EPG5: variants seen among roughly 807,000 people sequenced by gnomAD.
EPG5 encodes ectopic P granules protein 5 homolog.
In EPG5, 159 loss-of-function variants were observed where a neutral mutation model predicts 302.7. The ratio of observed to expected loss-of-function variants is 0.53; its 90% confidence interval spans 0.46 to 0.60. The LOEUF (loss-of-function observed/expected upper bound fraction) is 0.60, where lower values mean the gene tolerates loss of function less well. EPG5 is among the 20% of genes least tolerant of loss of function. The pLI, the probability that EPG5 is intolerant of heterozygous loss-of-function variation, is 0.00. For missense variants in EPG5, 2,896 were observed against 3,092.4 expected, an observed-to-expected ratio of 0.94 and a Z score of 1.51; for synonymous variants, 1,158 against 1,136.8, an observed-to-expected ratio of 1.02 and a Z score of -0.37.
rs777537488 is a variant in EPG5 at position 45,913,841 on chromosome 18, C to A, written c.3694-13G>T. 1 of 1,612,336 alleles carries A rather than the reference C, an allele frequency of 6.2e-7. No individual in the cohort carries two copies. Among genetic ancestry groups the A allele is most frequent in the South Asian group, 1.1e-5 (1 of 90,650 alleles). On this transcript the variant is annotated splice_polypyrimidine_tract_variant and intron_variant, in intron 20 of 43. Transcript: ENST00000282041. ...AGGCAAACCAGACCTATAATGACAC[C>A]AGATAAAGGGGAGGGGAAGGAGGAG...
rs2050066684 is a variant in EPG5, at chr18:45,917,792, G to A, written c.3126C>T (p.Ile1042=). 1 of 1,613,998 alleles carries A rather than the reference G, an allele frequency of 6.2e-7. No homozygotes were observed. The highest frequency in any genetic ancestry group is 1.1e-5 in the South Asian group (1 of 91,080). ...HSIEKFCAEG[I]PLLGILVQSR... ...ACTGGACCAGAATTCCCAATAGTGGGATGCCTTCTGCACAGAACTTCTCAA... is the reference window on the plus strand; with the variant it reads ...ACTGGACCAGAATTCCCAATAGTGGAATGCCTTCTGCACAGAACTTCTCAA... Residue 1042 remains isoleucine, a synonymous_variant, in exon 17 of 44, where the codon ATC becomes ATT. Transcript: ENST00000282041.
intron 35 of EPG5, 150 bp from the exon 36 acceptor site, chr18:45,870,892 G>A (rs995859575): frequency 3.4e-6 from 2 of 591,234 alleles, no homozygotes; most frequent in Non-Finnish European, 5.7e-6. Flanking sequence ...TGGTTAAGGG[G>A]ACTACTGGCA....
Position 45,876,352 on chromosome 18 carries a change from A to C in EPG5, c.5943-10T>G, listed in dbSNP as rs751169506. ...ATGCCGCTGTTGGCTGCTTTAAAGAAAAGAAGCACACACTTAGGAATGCAA... is the reference window on the plus strand; with the variant it reads ...ATGCCGCTGTTGGCTGCTTTAAAGACAAGAAGCACACACTTAGGAATGCAA... On this transcript the variant is annotated splice_polypyrimidine_tract_variant and intron_variant, in intron 34 of 43. Transcript: ENST00000282041. The C allele has an allele frequency of 2.5e-6, 4 of 1,603,818 alleles. 1 individual carries two copies. The South Asian group carries it at 4.4e-5, about 18-fold the overall frequency.
chr18:45,863,786 G>A (rs1390748163), intron 39 of EPG5, among the ~76,000 whole-genome samples: 1 of 152,176 alleles, frequency 6.6e-6, no homozygotes, highest in East Asian at 1.9e-4. Flanking sequence ...CTCCTTGGTA[G>A]GTAATCTGCC....
Position 45,858,784 on chromosome 18 carries a change from T to C in EPG5, c.7010-2A>G, listed in dbSNP as rs749401363. 1.2e-6 allele frequency: 2 copies of C among 1,607,110 alleles called. No individual in the cohort carries two copies. Among genetic ancestry groups the C allele is most frequent in the African/African-American group, 1.3e-5 (1 of 74,858 alleles). On this transcript the variant is annotated splice_acceptor_variant, in intron 40 of 43. Coordinates refer to ENST00000282041, the MANE Select transcript of EPG5 (RefSeq NM_020964.3). LOFTEE classifies it high-confidence loss of function. ...ATCCTGAATTCTGATTGAGAGGGCC[T>C]AAGAACATGAAGAAGAGACATCAAG... is the stretch of plus-strand genomic sequence containing the variant.
rs1367006382 is a variant in EPG5 at position 45,910,717 on chromosome 18, T to C, written c.4009A>G (p.Arg1337Gly). The change falls in exon 23 of 44, where the codon AGA becomes GGA. Residue 1337 changes from arginine to glycine, a missense_variant. Physicochemically the swap from Arg to Gly is moderately radical, Grantham distance 125 (BLOSUM62 -2). This residue lies in a region of EPG5 where 790 missense variants were observed against 798.0 expected (regional missense o/e 0.99). Transcript: ENST00000282041. Reference sequence around the variant, plus strand: ...TGAGCAGGACTTTGAAAAAACCTTCTTCCAATACAACCATCTATGGGTAAC... The same window carrying C: ...TGAGCAGGACTTTGAAAAAACCTTCCTCCAATACAACCATCTATGGGTAAC... ...YGLPIDGCIG[R>G]RFFQSPAHIN... 2.5e-6 allele frequency: 4 copies of C among 1,614,120 alleles called. No homozygotes were observed. The highest frequency in any genetic ancestry group is 2.2e-5 in the South Asian group (2 of 91,066).
chr18:45,861,965 T>C (rs1213970356), intron 39 of EPG5, among the ~76,000 whole-genome samples: 1 of 152,220 alleles, frequency 6.6e-6, no homozygotes, highest in African/African-American at 2.4e-5. Context: ...TCTTTTTCTC[T>C]CTTTTGCTTC....
At chr18:45,880,352 A>C in intron 31 of EPG5, 129 bp from the exon 32 acceptor site, 1 of 896,770 alleles carries the variant, frequency 1.1e-6, no homozygotes, top group African/African-American at 1.7e-5. Context: ...ACTCACAGGG[A>C]TATCTGGGGT....
Position 45,860,205 on chromosome 18 carries a change from A to C in EPG5, c.6908T>G (p.Leu2303Arg). 1 of 1,614,244 alleles carries C rather than the reference A, an allele frequency of 6.2e-7. No individual in the cohort carries two copies. Among genetic ancestry groups the C allele is most frequent in the Non-Finnish European group, 8.5e-7 (1 of 1,180,040 alleles). The part of the protein sequence containing the change: ...RTWIGQKMHG[L>R]VVLPLLTAAC... ...TGCTGTTAAAAGGGGCAGCACCACCAGCCCATGCATTTTTTGGCCAATCCA... is the reference window on the plus strand; with the variant it reads ...TGCTGTTAAAAGGGGCAGCACCACCCGCCCATGCATTTTTTGGCCAATCCA... The change falls in exon 40 of 44, where the codon CTG becomes CGG. Residue 2303 changes from leucine (L) to arginine (R), a missense_variant. Coordinates refer to ENST00000282041, the MANE Select transcript of EPG5 (RefSeq NM_020964.3).
chr18:45,898,485 C>CA (rs2049530062), intron 27 of EPG5, among the ~76,000 whole-genome samples: 1 of 152,216 alleles, frequency 6.6e-6, no homozygotes, highest in Non-Finnish European at 1.5e-5. Context: ...AAGTGCATAC[C>CA]ATATTGCAGA....
At chr18:45,840,007 T>C in the EPG5 span, among the ~76,000 whole-genome samples, 1 of 152,172 alleles carries the variant, frequency 6.6e-6, no homozygotes, top group African/African-American at 2.4e-5. Flanking sequence ...GACTTTTTAC[T>C]GGATTGCTCC....
intron 23 of EPG5, among the ~76,000 whole-genome samples, chr18:45,908,688 T>A (rs2049817274): frequency 6.6e-6 from 1 of 152,182 alleles, no homozygotes; most frequent in African/African-American, 2.4e-5. Flanking sequence ...CAGTGGCTCA[T>A]GCCTATAATT....
chr18:45,870,520 A>G (rs745376243), intron 36 of EPG5, 47 bp downstream of exon 36: 1 of 1,563,450 alleles, frequency 6.4e-7, no homozygotes, highest in Non-Finnish European at 8.7e-7. Flanking sequence ...GCTGCTCCCT[A>G]GAAGCCAGAT....
chr18:45,966,640 T>C (rs1392412395), intron 1 of EPG5, among the ~76,000 whole-genome samples: 1 of 152,118 alleles, frequency 6.6e-6, no homozygotes, highest in Non-Finnish European at 1.5e-5. Context: ...TCATGCCCCT[T>C]ATAAACAATC....
the EPG5 span, among the ~76,000 whole-genome samples, chr18:45,817,467 G>T: frequency 6.6e-6 from 1 of 152,200 alleles, no homozygotes; most frequent in Admixed American, 6.5e-5. Context: ...ATAATTCTGT[G>T]AGTGAGGAAT....
intron 13 of EPG5, among the ~76,000 whole-genome samples, chr18:45,926,518 C>A (rs1297849340): frequency 6.6e-6 from 1 of 152,130 alleles, no homozygotes; most frequent in African/African-American, 2.4e-5. Flanking sequence ...AATAACACAT[C>A]CAAGTGTGCA....
intron 22 of EPG5, among the ~76,000 whole-genome samples, chr18:45,910,977 G>C (rs760864940): frequency 2.6e-4 from 39 of 151,922 alleles, no homozygotes; most frequent in African/African-American, 9.4e-4. Flanking sequence ...TCACTACTTA[G>C]AGGTACAGCA....
chr18:45,912,333 T>C lies in EPG5; in HGVS notation c.3940A>G (p.Lys1314Glu). 1 of 1,608,580 alleles carries C rather than the reference T, an allele frequency of 6.2e-7. No individual in the cohort carries two copies. The highest frequency in any genetic ancestry group is 8.5e-7 in the Non-Finnish European group (1 of 1,178,382). Reference sequence around the variant, plus strand: ...CGGTGAAGATACAGAAGGAAGAACTTCTGCCAAATGAGTGGCAGGAGGGGG... The same window carrying C: ...CGGTGAAGATACAGAAGGAAGAACTCCTGCCAAATGAGTGGCAGGAGGGGG... The part of the protein sequence containing the change: ...DHPLLPLIWQ[K>E]FFLLYLHRPG... Residue 1314 changes from lysine (K) to glutamate (E), a missense_variant, in exon 22 of 44, where the codon AAG becomes GAG. Physicochemically the swap from Lys to Glu is moderately conservative, Grantham distance 56. Transcript: ENST00000282041.
intron 27 of EPG5, among the ~76,000 whole-genome samples, chr18:45,897,121 G>A (rs1293226932): frequency 6.6e-6 from 1 of 152,210 alleles, no homozygotes; most frequent in Non-Finnish European, 1.5e-5. Context: ...GTCACAGGTA[G>A]GCTTAGAGCT....
Sources: allele counts gnomAD v4.1 joint callset (sites outside exome capture counted in the v4.1 genomes callset), GRCh38; gene constraint gnomAD v4.1.1; regional missense constraint gnomAD v4.1.1; transcripts MANE v1.5; gene names NCBI Gene and HGNC (gene_info 2026-07-23, HGNC 2026-07-21).